OPHN1: variants seen among roughly 807,000 people sequenced by gnomAD.
OPHN1 encodes the protein oligophrenin-1.
In OPHN1, 11 loss-of-function variants were observed where a neutral mutation model predicts 60.7. The observed-to-expected ratio is 0.18, with a 90% CI of 0.11 to 0.30. The LOEUF (loss-of-function observed/expected upper bound fraction) is 0.30, where lower values mean the gene tolerates loss of function less well. Among genes scored for constraint, OPHN1 ranks in the 10% least tolerant of loss-of-function variants. The pLI is 1.00. For synonymous variants in OPHN1, 226 were observed against 222.6 expected (o/e 1.02, Z -0.14); for missense variants, 449 against 611.0 (o/e 0.73, Z 2.80).
intron 5 of OPHN1, among the ~76,000 whole-genome samples, chrX:68,268,575 T>C (rs1030657293): frequency 4.5e-5 from 5 of 111,671 alleles, no homozygotes; most frequent in East Asian, 2.8e-4. Flanking sequence ...AAATTAGGCA[T>C]TGATGGGACG....
intron 15 of OPHN1, among the ~76,000 whole-genome samples, chrX:68,164,141 A>G (rs759302254): frequency 9.0e-6 from 1 of 111,642 alleles, no homozygotes; most frequent in Admixed American, 9.5e-5. Flanking sequence ...TCCAAGGTCA[A>G]AAAGCTAGAT....
rs774979716 is a variant in OPHN1 at position 68,337,069 on chromosome X, G to A, written c.155-37973C>T. ...GAGTGAGACTCTGTCCCAAAAAAAA[G>A]AAGTAAGAAAATGACACAAAATGGT... On this transcript the variant is annotated intron_variant, in intron 2 of 24. Coordinates refer to ENST00000355520, the MANE Select transcript of OPHN1 (RefSeq NM_002547.3). 3.8e-3 allele frequency among the ~76,000 whole-genome samples: 417 copies of A among 110,214 alleles called. 4 individuals are homozygous for A. Among genetic ancestry groups the A allele is most frequent in the African/African-American group, 0.013 (401 of 30,308 alleles).
At chrX:68,340,321 C>A (rs1602339222) in intron 2 of OPHN1, among the ~76,000 whole-genome samples, 1 of 112,260 alleles carries the variant, frequency 8.9e-6, no homozygotes. Flanking sequence ...TACTACACAG[C>A]CACAGTAATC....
chrX:68,333,914 G>A (rs1421670112), intron 2 of OPHN1, among the ~76,000 whole-genome samples: 1 of 92,510 alleles, frequency 1.1e-5, no homozygotes, highest in Non-Finnish European at 2.2e-5. Context: ...TTTTTGGGTT[G>A]GGGGAGCCAG....
chrX:68,378,748 T>A (rs1341550368), intron 2 of OPHN1, among the ~76,000 whole-genome samples: 1 of 111,376 alleles, frequency 9.0e-6, no homozygotes, highest in South Asian at 3.8e-4. Context: ...GTTGTAGATA[T>A]GTGGCGTTAT....
At chrX:68,297,292 A>C in intron 3 of OPHN1, among the ~76,000 whole-genome samples, 1 of 111,915 alleles carries the variant, frequency 8.9e-6, no homozygotes, top group South Asian at 3.8e-4. Flanking sequence ...AGATAAGAAA[A>C]TTTAACACTT....
At chrX:68,327,781 TAAAAAATAA>T (rs1450911387) in intron 2 of OPHN1, among the ~76,000 whole-genome samples, 26 of 52,373 alleles carry the variant, frequency 5.0e-4, no homozygotes, top group Non-Finnish European at 7.7e-4. Flanking sequence ...TCAATAAAAA[TAAAAAATAA>T]AAAAAATAAA....
intron 6 of OPHN1, among the ~76,000 whole-genome samples, chrX:68,230,827 TG>T (rs2147519444): frequency 9.2e-6 from 1 of 108,463 alleles, no homozygotes; most frequent in East Asian, 3.0e-4. Flanking sequence ...GATGAGTTAA[TG>T]GGTGCAGCAC....
chrX:68,312,712 A>G (rs1891007950), intron 2 of OPHN1, among the ~76,000 whole-genome samples: 1 of 111,738 alleles, frequency 8.9e-6, no homozygotes, highest in Non-Finnish European at 1.9e-5. Flanking sequence ...AATAAGGAAA[A>G]TCAATGAAGC....
chrX:68,111,694 A>G (rs2077104638), intron 18 of OPHN1, among the ~76,000 whole-genome samples, 160 bp downstream of exon 18: 1 of 111,896 alleles, frequency 8.9e-6, no homozygotes, highest in African/African-American at 3.2e-5. Context: ...GGATATGTAC[A>G]TGGGTCAAGG....
intron 6 of OPHN1, among the ~76,000 whole-genome samples, chrX:68,225,782 A>T (rs2077688180): frequency 4.5e-5 from 5 of 112,271 alleles, no homozygotes; most frequent in Admixed American, 3.8e-4. Flanking sequence ...AAACCAGAGC[A>T]GAAAAGCTGA....
chrX:68,077,752 G>C (rs760184504), intron 19 of OPHN1, among the ~76,000 whole-genome samples: 3 of 112,042 alleles, frequency 2.7e-5, no homozygotes, highest in African/African-American at 9.7e-5. Flanking sequence ...TCCTGTTTTA[G>C]TCTATACACT....
chrX:68,287,783 A>T (rs931062595), intron 3 of OPHN1, among the ~76,000 whole-genome samples: 6 of 112,106 alleles, frequency 5.4e-5, no homozygotes, highest in African/African-American at 1.9e-4. Context: ...TTTAATAAAC[A>T]TGCACTGTTT....
intron 2 of OPHN1, among the ~76,000 whole-genome samples, chrX:68,427,136 G>A (rs2078863919): frequency 9.5e-6 from 1 of 105,635 alleles, no homozygotes; most frequent in Admixed American, 1.0e-4. Context: ...GGGCATGGTG[G>A]CATGCGCCTG....
At chrX:68,207,430 C>T (rs1479338058) in intron 9 of OPHN1, among the ~76,000 whole-genome samples, 1 of 110,717 alleles carries the variant, frequency 9.0e-6, no homozygotes, top group African/African-American at 3.3e-5. Flanking sequence ...AGCGCTGGGC[C>T]CAGTGTCTTA....
intron 21 of OPHN1, among the ~76,000 whole-genome samples, chrX:68,059,660 A>C (rs781023083): frequency 3.6e-5 from 4 of 112,308 alleles, no homozygotes; most frequent in African/African-American, 1.3e-4. Flanking sequence ...AATGCCACTC[A>C]TAACATTAGT....
chrX:68,207,479 C>G (rs1014402627), intron 9 of OPHN1, among the ~76,000 whole-genome samples: 1 of 111,190 alleles, frequency 9.0e-6, no homozygotes, highest in Non-Finnish European at 1.9e-5. Context: ...TTTTAAAAAA[C>G]AAAAATTTAC....
intron 2 of OPHN1, among the ~76,000 whole-genome samples, chrX:68,320,930 GT>G: frequency 8.9e-6 from 1 of 111,967 alleles, no homozygotes; most frequent in East Asian, 2.8e-4. Flanking sequence ...AAGGATACAG[GT>G]GAAGAGATAC....
intron 2 of OPHN1, among the ~76,000 whole-genome samples, chrX:68,364,792 A>G (rs952849219): frequency 8.9e-6 from 1 of 112,493 alleles, no homozygotes; most frequent in Non-Finnish European, 1.9e-5. Flanking sequence ...GAACACACAG[A>G]CATTTCCATA....
Sources: allele counts gnomAD v4.1 joint callset (sites outside exome capture counted in the v4.1 genomes callset), GRCh38; gene constraint gnomAD v4.1.1; transcripts MANE v1.5; gene names NCBI Gene and HGNC (gene_info 2026-07-23, HGNC 2026-07-21).